The following EPS8 variants were observed in gnomAD, a reference collection of about 807,000 sequenced individuals.
The protein encoded by EPS8 is EGFR pathway substrate 8, signaling adaptor.
Under a neutral mutation model 103.8 loss-of-function variants are expected in EPS8, and 42 were observed. The ratio of observed to expected loss-of-function variants is 0.40; its 90% CI spans 0.32 to 0.52. The LOEUF is 0.52. EPS8 is among the 20% of genes least tolerant of loss of function. The pLI, the probability that EPS8 is intolerant of heterozygous loss-of-function variation, is 0.40. For synonymous variants in EPS8, 344 were observed against 344.6 expected (o/e 1.00, Z 0.02); for missense variants, 969 against 1,005.1 (o/e 0.96, Z 0.49).
At chr12:15,740,382 TA>T (rs1193756317) in intron 1 of EPS8, among the ~76,000 whole-genome samples, 1 of 151,544 alleles carries the variant, frequency 6.6e-6, no homozygotes, top group African/African-American at 2.4e-5. Context: ...CCGTCTCTAC[TA>T]AAAATACAAA....
intron 15 of EPS8, among the ~76,000 whole-genome samples, chr12:15,646,154 CT>C (rs1945316187): frequency 6.6e-6 from 1 of 152,116 alleles, no homozygotes; most frequent in Non-Finnish European, 1.5e-5. Flanking sequence ...TCATTGCTGA[CT>C]TTTCTTTGTA....
rs1591899392 is a variant in EPS8 at position 15,725,890 on chromosome 12, T to C, written c.-21-42918A>G. 6.6e-6 allele frequency among the ~76,000 whole-genome samples: 1 copy of C among 152,236 alleles called. No individual in the cohort carries two copies. The highest frequency in any genetic ancestry group is 1.9e-4 in the East Asian group (1 of 5,198). On this transcript the variant is annotated intron_variant, in intron 1 of 20. Coordinates refer to ENST00000281172, the MANE Select transcript of EPS8 (RefSeq NM_004447.6). The surrounding 1 kb of genome is among the most constrained non-coding windows in gnomAD (Gnocchi z 4.5). ...CAAAAATAAGATGCAGAATTTGGCCTTTAGGTTTCTCTGTTTTACAAATAC... is the reference window on the plus strand; with the variant it reads ...CAAAAATAAGATGCAGAATTTGGCCCTTAGGTTTCTCTGTTTTACAAATAC...
intron 1 of EPS8, among the ~76,000 whole-genome samples, chr12:15,726,869 A>C (rs1263011613): frequency 6.6e-6 from 1 of 152,236 alleles, no homozygotes; most frequent in Non-Finnish European, 1.5e-5. Context: ...CTCCACTTTC[A>C]TTAGTGATGT....
chr12:15,662,888 A>G (rs186628373), intron 8 of EPS8, among the ~76,000 whole-genome samples: 87 of 152,150 alleles, frequency 5.7e-4, no homozygotes, highest in African/African-American at 1.8e-3. Flanking sequence ...CTCATGATAC[A>G]TCATCGTGAC....
At chr12:15,678,195 T>C (rs1945942806) in intron 3 of EPS8, among the ~76,000 whole-genome samples, 1 of 152,134 alleles carries the variant, frequency 6.6e-6, no homozygotes, top group Non-Finnish European at 1.5e-5. Context: ...AACTAGAATC[T>C]GTTTATTGCA....
intron 1 of EPS8, among the ~76,000 whole-genome samples, chr12:15,709,434 A>G (rs1032350332): frequency 6.6e-6 from 1 of 152,246 alleles, no homozygotes; most frequent in African/African-American, 2.4e-5. Flanking sequence ...GTGTCAAGAA[A>G]AAAAGGCAGG....
intron 1 of EPS8, among the ~76,000 whole-genome samples, chr12:15,742,720 G>C (rs564533161): frequency 1.3e-5 from 2 of 152,312 alleles, no homozygotes; most frequent in Admixed American, 6.5e-5. Context: ...AGCCCTTCAT[G>C]CTAAAAACTC....
At chr12:15,707,236 G>A (rs1446681600) in intron 1 of EPS8, among the ~76,000 whole-genome samples, 1 of 152,090 alleles carries the variant, frequency 6.6e-6, no homozygotes, top group Admixed American at 6.6e-5. Flanking sequence ...AAAGAGCCAG[G>A]TTATAAATAT....
chr12:15,781,735 A>C lies in EPS8; in HGVS notation c.-22+7426T>G, dbSNP rs1947262574. The C allele has an allele frequency of 6.6e-6, 1 of 152,240 alleles. No homozygotes were observed. Among genetic ancestry groups the C allele is most frequent in the Admixed American group, 6.5e-5 (1 of 15,282 alleles). 9.4% of individuals were successfully genotyped at this position (152,240 alleles called of 1,614,324 possible). ...TCTAAAGAAAAGGAATTTATGTCTT[A>C]CAGTTATGGAGGTTAAGAAGTCCAT... On this transcript the variant is annotated intron_variant, in intron 1 of 20. Coordinates refer to ENST00000281172, the MANE Select transcript of EPS8 (RefSeq NM_004447.6). This position sits in a 1 kb window ranked among gnomAD's most constrained non-coding sequence, Gnocchi z 4.1.
chr12:15,751,229 G>A lies in EPS8; in HGVS notation c.-22+37932C>T, dbSNP rs907527402. Among the ~76,000 whole-genome samples, 14 of 152,026 alleles carry A rather than the reference G, an allele frequency of 9.2e-5. No individual in the cohort carries two copies. The highest frequency in any genetic ancestry group is 2.9e-5 in the Non-Finnish European group (2 of 68,016). The stretch of plus-strand genomic sequence containing the variant: ...AAAAATTAGCCACACGTAGTGGTGT[G>A]TGCCTGTAATCCCAGCTACTAGCAA... On this transcript the variant is annotated intron_variant, in intron 1 of 20. Coordinates refer to ENST00000281172, the MANE Select transcript of EPS8 (RefSeq NM_004447.6). The surrounding 1 kb of genome is among the most constrained non-coding windows in gnomAD (Gnocchi z 4.3).
chr12:15,721,123 T>C lies in EPS8; in HGVS notation c.-21-38151A>G, dbSNP rs138854442. ...AGCACTTAGTACAATAGTTGGCACA[T>C]AATAGGTGAAGGCAATCAAAAATAT... On this transcript the variant is annotated intron_variant, in intron 1 of 20. Coordinates refer to ENST00000281172, the MANE Select transcript of EPS8 (RefSeq NM_004447.6). This position sits in a 1 kb window ranked among gnomAD's most constrained non-coding sequence, Gnocchi z 4.4. Among the ~76,000 whole-genome samples the C allele has an allele frequency of 7.6e-4, 116 of 152,288 alleles. No individual in the cohort carries two copies. The highest frequency in any genetic ancestry group is 2.9e-3 in the East Asian group (15 of 5,184).
In EPS8 at chr12:15,662,597, A is replaced by T. The variant is rs574626946; in HGVS notation, c.737-498T>A. On this transcript the variant is annotated intron_variant, in intron 8 of 20. Transcript: ENST00000281172. ...TCTAGTGTAATTAAGCTTAAAACCC[A>T]CAATGTTGGGCTCATTAATTTTAAG... 1.6e-4 allele frequency: 158 copies of T among 985,778 alleles called. 1 individual carries two copies. In the South Asian group the frequency reaches 6.4e-3, roughly 40 times the overall value. The allele number at this position is 985,778 out of a possible 1,614,324, so 61.1% of individuals were successfully genotyped here. A position where few individuals can be genotyped will look rare whatever the true frequency, so the allele number is the denominator to read the frequency against.
chr12:15,674,306 A>G (rs566028484), intron 3 of EPS8, among the ~76,000 whole-genome samples: 1 of 152,326 alleles, frequency 6.6e-6, no homozygotes, highest in South Asian at 2.1e-4. Context: ...TAACAAGAAA[A>G]AAGTAACATA....
intron 3 of EPS8, among the ~76,000 whole-genome samples, chr12:15,675,948 G>A (rs990588027): frequency 6.6e-6 from 1 of 152,042 alleles, no homozygotes; most frequent in African/African-American, 2.4e-5. Context: ...ACATTAACAC[G>A]TGCATATTTT....
intron 1 of EPS8, among the ~76,000 whole-genome samples, chr12:15,744,271 T>C (rs1239368748): frequency 6.6e-6 from 1 of 152,180 alleles, no homozygotes; most frequent in African/African-American, 2.4e-5. Context: ...AATAGCACTT[T>C]GTTAAAAGAG....
chr12:15,721,401 A>G lies in EPS8; in HGVS notation c.-21-38429T>C, dbSNP rs1372010739. On this transcript the variant is annotated intron_variant, in intron 1 of 20. Transcript: ENST00000281172. The surrounding 1 kb of genome is among the most constrained non-coding windows in gnomAD (Gnocchi z 4.4). ...TCTCCAAACTGTTTTCCTAGATGTA[A>G]TGAGGGAAAGAAAGCAATACTGGAA... Among the ~76,000 whole-genome samples, 1 of 152,176 alleles carries G rather than the reference A, an allele frequency of 6.6e-6. No homozygotes were observed. Among genetic ancestry groups the G allele is most frequent in the African/African-American group, 2.4e-5 (1 of 41,440 alleles).
Position 15,658,594 on chromosome 12 carries a change from A to G in EPS8, c.938-9T>C. 6.3e-7 allele frequency: 1 copy of G among 1,591,650 alleles called. No individual in the cohort carries two copies. The highest frequency in any genetic ancestry group is 1.1e-5 in the South Asian group (1 of 90,462). On this transcript the variant is annotated splice_polypyrimidine_tract_variant and intron_variant, in intron 10 of 20. Transcript: ENST00000281172. ...CAGCGTTAAAACACCCTCTAATGAAATAAGCGAGAGGAGAGGATCAGAGCA... is the reference window on the plus strand; with the variant it reads ...CAGCGTTAAAACACCCTCTAATGAAGTAAGCGAGAGGAGAGGATCAGAGCA...
At chr12:15,712,263 A>G (rs1946476005) in intron 1 of EPS8, among the ~76,000 whole-genome samples, 1 of 152,156 alleles carries the variant, frequency 6.6e-6, no homozygotes, top group South Asian at 2.1e-4. Flanking sequence ...CTTTAAATAC[A>G]CATATTCAAC....
intron 3 of EPS8, among the ~76,000 whole-genome samples, 180 bp from the exon 4 acceptor site, chr12:15,671,103 AG>A (rs753221092): frequency 4.6e-5 from 7 of 152,154 alleles, no homozygotes; most frequent in African/African-American, 7.2e-5. Context: ...AAAAACCACA[AG>A]AAAGTCTAAA....
Sources: gnomAD v4.1 joint callset for allele counts (sites outside exome capture counted in the v4.1 genomes callset) on GRCh38, gnomAD v4.1.1 for gene constraint, Gnocchi (gnomAD v3.1) non-coding constraint, MANE v1.5 for transcripts, NCBI Gene and HGNC (gene_info 2026-07-23, HGNC 2026-07-21) for gene names.